Variants in EPB41L4A observed in about 807,000 individuals in gnomAD.
The protein encoded by EPB41L4A is band 4.1-like protein 4A.
A neutral mutation model predicts 108.6 loss-of-function variants in EPB41L4A; 100 were observed. The observed-to-expected ratio is 0.92, with a 90% CI of 0.78 to 1.09. The LOEUF is 1.09. Ranked by LOEUF, EPB41L4A falls within the 50% of genes least tolerant of loss-of-function variation. The probability of loss-of-function intolerance (pLI) is 0.00; values close to 1 mark genes in which losing one functional copy is unlikely to be tolerated. For synonymous variants in EPB41L4A, 319 were observed against 289.0 expected, an observed-to-expected ratio of 1.10 and a Z score of -1.05; for missense variants, 1,030 against 842.7, an observed-to-expected ratio of 1.22 and a Z score of -2.75.
rs114291313 is a variant in EPB41L4A at position 112,194,964 on chromosome 5, G to A, written c.1425-319C>T. On this transcript the variant is annotated intron_variant, in intron 16 of 22. Coordinates refer to ENST00000261486, the MANE Select transcript of EPB41L4A (RefSeq NM_022140.5). ...GACATGGCAAAGCCGTAAGTCGGTGGTGGACTAAATATGGACACAAAATCT... is the reference window on the plus strand; with the variant it reads ...GACATGGCAAAGCCGTAAGTCGGTGATGGACTAAATATGGACACAAAATCT... 4.9e-3 allele frequency among the ~76,000 whole-genome samples: 750 copies of A among 152,244 alleles called. 5 individuals are homozygous for A. The highest frequency in any genetic ancestry group is 0.017 in the African/African-American group (693 of 41,540).
At chr5:112,307,338 A>G in intron 2 of EPB41L4A, 48 bp downstream of exon 2, 1 of 1,228,916 alleles carries the variant, frequency 8.1e-7, no homozygotes, top group South Asian at 1.2e-5. Context: ...CCAGAGATAG[A>G]GTGAAATTTA....
At chr5:112,313,407 C>T (rs1247429220) in intron 1 of EPB41L4A, among the ~76,000 whole-genome samples, 2 of 151,966 alleles carry the variant, frequency 1.3e-5, no homozygotes, top group African/African-American at 2.4e-5. Context: ...CTGGCTAACA[C>T]GGTGAAACCC....
chr5:112,409,125 C>A (rs1478903910), intron 1 of EPB41L4A, among the ~76,000 whole-genome samples: 1 of 150,658 alleles, frequency 6.6e-6, no homozygotes, highest in Admixed American at 6.6e-5. Context: ...TATAGTACAT[C>A]CATACAATGG....
intron 1 of EPB41L4A, among the ~76,000 whole-genome samples, chr5:112,339,630 TTCA>T (rs1757180004): frequency 2.0e-5 from 3 of 150,670 alleles, no homozygotes; most frequent in Admixed American, 2.0e-4. Flanking sequence ...ACCTCCTGGG[TTCA>T]AGCGATTCCC....
chr5:112,356,019 C>T (rs1048003561), intron 1 of EPB41L4A, among the ~76,000 whole-genome samples: 3 of 152,172 alleles, frequency 2.0e-5, no homozygotes, highest in Admixed American at 6.5e-5. Flanking sequence ...GCAGTAAATA[C>T]ACTCCACTTG....
intron 15 of EPB41L4A, among the ~76,000 whole-genome samples, chr5:112,199,906 C>T (rs1231510663): frequency 1.3e-5 from 2 of 152,186 alleles, no homozygotes; most frequent in East Asian, 3.8e-4. Context: ...CGGACAATAG[C>T]CTGCTGCCTG....
intron 1 of EPB41L4A, among the ~76,000 whole-genome samples, chr5:112,380,882 C>A (rs1760134271): frequency 6.6e-6 from 1 of 152,008 alleles, no homozygotes; most frequent in African/African-American, 2.4e-5. Context: ...CCAGAAGCCA[C>A]TGATATTTAG....
intron 1 of EPB41L4A, among the ~76,000 whole-genome samples, chr5:112,404,109 CTA>C (rs1761945313): frequency 6.6e-6 from 1 of 152,194 alleles, no homozygotes; most frequent in African/African-American, 2.4e-5. Context: ...TGCTTAGAAC[CTA>C]TGTCTAAGGA....
rs573628276 is a variant in EPB41L4A, at chr5:112,283,035, T to A, written c.205-2712A>T. ...GAAAAACTGGTTAATCTATCAAAAA[T>A]TTTACATTAATGATAATCTGTTCTA... is the stretch of plus-strand genomic sequence containing the variant. On this transcript the variant is annotated intron_variant, in intron 2 of 22. Transcript: ENST00000261486. 8.5e-5 allele frequency among the ~76,000 whole-genome samples: 13 copies of A among 152,284 alleles called. No individual in the cohort carries two copies. In the South Asian group the frequency reaches 2.7e-3, roughly 32 times the overall value.
chr5:112,177,051 G>A (rs533027533), intron 18 of EPB41L4A, among the ~76,000 whole-genome samples: 9 of 151,954 alleles, frequency 5.9e-5, no homozygotes, highest in South Asian at 2.1e-4. Context: ...CACCGTCCCC[G>A]GCCAGCAACT....
At chr5:112,320,488 G>A (rs1755703180) in intron 1 of EPB41L4A, among the ~76,000 whole-genome samples, 1 of 152,158 alleles carries the variant, frequency 6.6e-6, no homozygotes, top group South Asian at 2.1e-4. Context: ...TCTACAAAAG[G>A]GTAATTCTTT....
At chr5:112,261,521 A>C (rs1202448941) in intron 7 of EPB41L4A, among the ~76,000 whole-genome samples, 1 of 152,208 alleles carries the variant, frequency 6.6e-6, no homozygotes, top group Non-Finnish European at 1.5e-5. Context: ...TCTTAATTCA[A>C]AGGCAAAGGC....
chr5:112,142,036 G>T (rs1039911617), downstream of EPB41L4A, among the ~76,000 whole-genome samples: 31 of 152,166 alleles, frequency 2.0e-4, no homozygotes, highest in African/African-American at 7.5e-4. Flanking sequence ...AGCACAATGT[G>T]GGGCATTTGC....
intron 3 of EPB41L4A, among the ~76,000 whole-genome samples, chr5:112,276,452 AG>A (rs944240981): frequency 1.5e-4 from 23 of 152,186 alleles, no homozygotes; most frequent in Non-Finnish European, 7.3e-5. Flanking sequence ...TGTTTCCAAA[AG>A]TGCATATTTC....
rs542567728 is a variant in EPB41L4A, at chr5:112,162,636, A to T, written c.*2354T>A. 1 of 152,226 alleles carries T rather than the reference A, an allele frequency of 6.6e-6. No individual in the cohort carries two copies. The highest frequency in any genetic ancestry group is 2.4e-5 in the African/African-American group (1 of 41,442). 9.4% of individuals were successfully genotyped at this position (152,226 alleles called of 1,614,324 possible). A position where few individuals can be genotyped will look rare whatever the true frequency, so the allele number is the denominator to read the frequency against. On this transcript the variant is annotated 3_prime_UTR_variant, in exon 23 of 23. Coordinates refer to ENST00000261486, the MANE Select transcript of EPB41L4A (RefSeq NM_022140.5). ...AAATAATGTATAGAGGTATTCAAAA[A>T]ATTTATTGAAAGCACTGTACTAGGA...
At chr5:112,225,975 A>G (rs906853783) in intron 12 of EPB41L4A, among the ~76,000 whole-genome samples, 2 of 152,240 alleles carry the variant, frequency 1.3e-5, no homozygotes, top group African/African-American at 4.8e-5. Flanking sequence ...TGTCTAGCAC[A>G]GTGCCAAGCA....
chr5:112,307,696 A>G (rs1754785721), intron 1 of EPB41L4A, among the ~76,000 whole-genome samples: 1 of 151,870 alleles, frequency 6.6e-6, no homozygotes, highest in Admixed American at 6.6e-5. Flanking sequence ...TTTGGAAAAT[A>G]CTTTTTAAAT....
At chr5:112,144,462 G>C (rs142875970) in intron 13 of EPB41L4A, among the ~76,000 whole-genome samples, 1,803 of 152,090 alleles carry the variant, frequency 0.012, 109 homozygotes, top group Admixed American at 0.11. Flanking sequence ...ATTTTTTGTA[G>C]AGATGAGTTT....
At chr5:112,308,372 AT>A (rs1754829697) in intron 1 of EPB41L4A, among the ~76,000 whole-genome samples, 1 of 152,310 alleles carries the variant, frequency 6.6e-6, no homozygotes. Context: ...TTATCCACAT[AT>A]GGTGAGCACT....
Sources: gnomAD v4.1 joint callset for allele counts (sites outside exome capture counted in the v4.1 genomes callset) on GRCh38, gnomAD v4.1.1 for gene constraint, MANE v1.5 for transcripts, NCBI Gene and HGNC (gene_info 2026-07-23, HGNC 2026-07-21) for gene names.